The following CENPW variants were observed in gnomAD, a reference collection of about 807,000 sequenced individuals.
CENPW encodes the protein centromere protein W.
CENPW carries 3 observed loss-of-function variants against 11.1 expected under a neutral mutation model. The observed-to-expected ratio is 0.27, with a 90% CI of 0.12 to 0.70. The LOEUF (loss-of-function observed/expected upper bound fraction) is 0.70. Ranked by LOEUF, CENPW falls within the 30% of genes least tolerant of loss-of-function variation. CENPW has a pLI of 0.77. For missense variants in CENPW, 100 were observed against 105.6 expected (o/e 0.95, Z 0.23); for synonymous variants, 38 against 42.0 (o/e 0.91, Z 0.37).
chr6:126,405,806 G>A, the CENPW span, among the ~76,000 whole-genome samples: 4 of 151,904 alleles, frequency 2.6e-5, no homozygotes, highest in African/African-American at 7.2e-5. Flanking sequence ...CATTATTTGT[G>A]TATAGAAATG....
the CENPW span, among the ~76,000 whole-genome samples, chr6:126,368,300 A>G: frequency 6.6e-6 from 1 of 152,164 alleles, no homozygotes; most frequent in African/African-American, 2.4e-5. Context: ...CATTAGCTGC[A>G]TTGGAGTCTG....
chr6:126,429,908 G>A, the CENPW span, among the ~76,000 whole-genome samples: 1 of 152,138 alleles, frequency 6.6e-6, no homozygotes. Flanking sequence ...AGACAAATGA[G>A]ACATTTTAAT....
the CENPW span, among the ~76,000 whole-genome samples, chr6:126,462,575 C>G: frequency 6.6e-6 from 1 of 150,740 alleles, no homozygotes; most frequent in Non-Finnish European, 1.5e-5. Flanking sequence ...TTCTCTTACT[C>G]TCTTTCTTGC....
At chr6:126,378,347 C>A in the CENPW span, among the ~76,000 whole-genome samples, 1 of 152,038 alleles carries the variant, frequency 6.6e-6, no homozygotes, top group African/African-American at 2.4e-5. Context: ...ATCATGGATG[C>A]AATTCCCAGG....
chr6:126,346,752 C>T (rs756803551), intron 2 of CENPW, among the ~76,000 whole-genome samples: 5 of 152,020 alleles, frequency 3.3e-5, no homozygotes, highest in Non-Finnish European at 7.4e-5. Flanking sequence ...TGGGGAAAAC[C>T]GCCCCCCATG....
At chr6:126,392,247 C>G in the CENPW span, among the ~76,000 whole-genome samples, 4 of 151,814 alleles carry the variant, frequency 2.6e-5, no homozygotes, top group African/African-American at 9.6e-5. Context: ...AAAAGGATTA[C>G]TTTCTTGATT....
chr6:126,460,371 A>G, the CENPW span, among the ~76,000 whole-genome samples: 2 of 151,758 alleles, frequency 1.3e-5, no homozygotes, highest in African/African-American at 4.8e-5. Flanking sequence ...GGTTCTGAGA[A>G]CTTAGCCTGA....
At chr6:126,461,642 T>C in the CENPW span, among the ~76,000 whole-genome samples, 3 of 151,946 alleles carry the variant, frequency 2.0e-5, no homozygotes, top group African/African-American at 4.8e-5. Flanking sequence ...TAAATGTACA[T>C]AATACGTTCC....
chr6:126,368,043 T>G, the CENPW span, among the ~76,000 whole-genome samples: 17 of 152,192 alleles, frequency 1.1e-4, no homozygotes, highest in African/African-American at 4.1e-4. Context: ...AGTGGGTGAT[T>G]TAGGTTTTCT....
chr6:126,367,467 A>G, the CENPW span, among the ~76,000 whole-genome samples: 1 of 152,192 alleles, frequency 6.6e-6, no homozygotes, highest in South Asian at 2.1e-4. Flanking sequence ...AAGTTTAGAC[A>G]TGGTGGAAAA....
In CENPW at chr6:126,348,501, G is replaced by A; in HGVS notation, c.*9G>A. ...AGAAGAGCAGAGGTTAGAAGTCAAA[G>A]AACATATTCTTGAAAGTTATGATGC... On this transcript the variant is annotated 3_prime_UTR_variant, in exon 3 of 3. Coordinates refer to ENST00000368328, the MANE Select transcript of CENPW (RefSeq NM_001012507.4). 6.9e-7 allele frequency: 1 copy of A among 1,445,280 alleles called. No individual in the cohort carries two copies. The highest frequency in any genetic ancestry group is 1.4e-5 in the African/African-American group (1 of 71,292). 89.5% of individuals were successfully genotyped at this position (1,445,280 alleles called of 1,614,324 possible). A position where few individuals can be genotyped will look rare whatever the true frequency, so the allele number is the denominator to read the frequency against.
chr6:126,373,959 T>C, the CENPW span, among the ~76,000 whole-genome samples: 1 of 152,320 alleles, frequency 6.6e-6, no homozygotes, highest in Non-Finnish European at 1.5e-5. Context: ...ATTAGTGGTT[T>C]AGGCCTTAAT....
chr6:126,351,844 A>G (rs1780494209), downstream of CENPW, among the ~76,000 whole-genome samples: 1 of 151,750 alleles, frequency 6.6e-6, no homozygotes, highest in South Asian at 2.1e-4. Flanking sequence ...CTTAAGATGG[A>G]TATTTAGTTC....
chr6:126,363,765 C>T, the CENPW span, among the ~76,000 whole-genome samples: 1 of 152,194 alleles, frequency 6.6e-6, no homozygotes. Context: ...TCCTATCAAC[C>T]TTATCTCTCC....
the CENPW span, among the ~76,000 whole-genome samples, chr6:126,463,405 ATC>A: frequency 1.3e-4 from 20 of 152,058 alleles, no homozygotes; most frequent in Non-Finnish European, 2.6e-4. Flanking sequence ...GTTTTTTCCC[ATC>A]TTAAGGAAAT....
the CENPW span, among the ~76,000 whole-genome samples, chr6:126,415,952 G>C: frequency 6.6e-6 from 1 of 152,268 alleles, no homozygotes; most frequent in East Asian, 1.9e-4. Context: ...CTGAAAATGT[G>C]GAAGCAACTT....
At chr6:126,367,312 A>G in the CENPW span, among the ~76,000 whole-genome samples, 1 of 152,158 alleles carries the variant, frequency 6.6e-6, no homozygotes, top group Non-Finnish European at 1.5e-5. Context: ...ATTGTCTCCA[A>G]TAGAAAAAGT....
the CENPW span, among the ~76,000 whole-genome samples, chr6:126,371,185 T>G: frequency 1.3e-5 from 2 of 152,186 alleles, no homozygotes; most frequent in Admixed American, 6.5e-5. Context: ...GGGGACATGC[T>G]TCAACTTTTT....
the CENPW span, among the ~76,000 whole-genome samples, chr6:126,412,181 T>C: frequency 1.4e-5 from 2 of 142,550 alleles, no homozygotes; most frequent in African/African-American, 5.2e-5. Context: ...AAAGGTAGAG[T>C]TTAATCTTGT....
Sources: allele counts gnomAD v4.1 joint callset (sites outside exome capture counted in the v4.1 genomes callset), GRCh38; gene constraint gnomAD v4.1.1; transcripts MANE v1.5; gene names NCBI Gene and HGNC (gene_info 2026-07-23, HGNC 2026-07-21).